The following TMTC2 variants were observed in gnomAD, a reference collection of about 807,000 sequenced individuals.
The protein encoded by TMTC2 is protein O-mannosyl-transferase TMTC2.
TMTC2 carries 43 observed loss-of-function variants against 82.4 expected under a neutral mutation model. The ratio of observed to expected loss-of-function variants is 0.52; its 90% CI spans 0.41 to 0.67. The LOEUF is 0.67. Ranked by LOEUF, TMTC2 falls within the 30% of genes least tolerant of loss-of-function variation. TMTC2 has a pLI of 0.00. For synonymous variants in TMTC2, 408 were observed against 381.9 expected, an observed-to-expected ratio of 1.07 and a Z score of -0.80; for missense variants, 919 against 1,012.4, an observed-to-expected ratio of 0.91 and a Z score of 1.25.
intron 1 of TMTC2, among the ~76,000 whole-genome samples, chr12:82,831,856 A>G (rs1869767141): frequency 6.6e-6 from 1 of 152,206 alleles, no homozygotes; most frequent in African/African-American, 2.4e-5. Context: ...AAGACTACAG[A>G]AAAATCACCA....
intron 8 of TMTC2, among the ~76,000 whole-genome samples, chr12:83,029,804 T>C (rs147857405): frequency 1.3e-5 from 2 of 152,346 alleles, no homozygotes; most frequent in African/African-American, 4.8e-5. Flanking sequence ...ATGTATACTT[T>C]TAGAATCTGT....
chr12:82,817,557 TTG>T (rs113751443), intron 1 of TMTC2, among the ~76,000 whole-genome samples: 5,871 of 151,892 alleles, frequency 0.039, 374 homozygotes, highest in African/African-American at 0.13. Flanking sequence ...AAGGATCACT[TTG>T]TGTGTGTGTG....
At chr12:82,752,147 C>T (rs1157315051) in intron 1 of TMTC2, among the ~76,000 whole-genome samples, 21 of 137,936 alleles carry the variant, frequency 1.5e-4, no homozygotes, top group Non-Finnish European at 2.9e-4. Flanking sequence ...TTGGAAGCTC[C>T]TTTTTTTTTT....
At chr12:82,827,966 C>T (rs1869519807) in intron 1 of TMTC2, among the ~76,000 whole-genome samples, 1 of 150,930 alleles carries the variant, frequency 6.6e-6, no homozygotes, top group Non-Finnish European at 1.5e-5. Flanking sequence ...GATCTCGGCT[C>T]ACTGCAACCT....
At chr12:82,941,013 G>A (rs1376480613) in intron 4 of TMTC2, among the ~76,000 whole-genome samples, 1 of 151,826 alleles carries the variant, frequency 6.6e-6, no homozygotes, top group Non-Finnish European at 1.5e-5. Flanking sequence ...CCATATAAAG[G>A]AACAAGGTAT....
intron 3 of TMTC2, among the ~76,000 whole-genome samples, chr12:82,921,100 C>T (rs1875365496): frequency 6.6e-6 from 1 of 151,408 alleles, no homozygotes; most frequent in African/African-American, 2.4e-5. Flanking sequence ...TTTTTTTCCC[C>T]CTAGCAGTTC....
At chr12:82,911,529 T>C (rs942067270) in intron 3 of TMTC2, among the ~76,000 whole-genome samples, 6 of 152,202 alleles carry the variant, frequency 3.9e-5, no homozygotes, top group African/African-American at 1.4e-4. Context: ...GAAATAATGA[T>C]CAAACATATT....
At chr12:83,084,758 A>G (rs1359345115) in intron 11 of TMTC2, among the ~76,000 whole-genome samples, 1 of 152,240 alleles carries the variant, frequency 6.6e-6, no homozygotes, top group Non-Finnish European at 1.5e-5. Flanking sequence ...ATTACTGGCA[A>G]GGCACCTACA....
chr12:82,987,316 C>G (rs187051233), intron 8 of TMTC2, among the ~76,000 whole-genome samples: 1 of 148,554 alleles, frequency 6.7e-6, no homozygotes, highest in Admixed American at 6.9e-5. Context: ...CCCAGCTACT[C>G]AGGTGGCTGA....
intron 1 of TMTC2, among the ~76,000 whole-genome samples, chr12:82,746,723 A>G (rs561149309): frequency 6.6e-4 from 101 of 152,324 alleles, no homozygotes; most frequent in African/African-American, 2.3e-3. Flanking sequence ...CAGATGGATA[A>G]GCAAACCATT....
At chr12:83,010,517 T>C (rs759426253) in intron 8 of TMTC2, among the ~76,000 whole-genome samples, 3 of 152,188 alleles carry the variant, frequency 2.0e-5, no homozygotes, top group Non-Finnish European at 4.4e-5. Flanking sequence ...CCCTGCTATA[T>C]AAACACCTGA....
chr12:83,127,099 A>G (rs1364479934), intron 11 of TMTC2, among the ~76,000 whole-genome samples: 1 of 152,134 alleles, frequency 6.6e-6, no homozygotes, highest in East Asian at 1.9e-4. Context: ...AGAATCCATC[A>G]AAAAGTTCAG....
chr12:82,899,437 T>C (rs1390521739), intron 3 of TMTC2, among the ~76,000 whole-genome samples: 1 of 151,400 alleles, frequency 6.6e-6, no homozygotes, highest in Non-Finnish European at 1.5e-5. Flanking sequence ...TAAAAATACA[T>C]CCAGAGCTTG....
At chr12:82,722,206 A>T (rs1874236581) in intron 1 of TMTC2, among the ~76,000 whole-genome samples, 1 of 152,138 alleles carries the variant, frequency 6.6e-6, no homozygotes, top group Admixed American at 6.5e-5. Flanking sequence ...ACACAGAAAC[A>T]TACTACTTCT....
At chr12:82,960,949 A>G (rs968676861) in intron 4 of TMTC2, among the ~76,000 whole-genome samples, 1 of 152,020 alleles carries the variant, frequency 6.6e-6, no homozygotes, top group Non-Finnish European at 1.5e-5. Flanking sequence ...AAAAGCCTTT[A>G]GTATGAATGA....
chr12:83,005,277 C>G (rs1246005130), intron 8 of TMTC2, among the ~76,000 whole-genome samples: 3 of 141,996 alleles, frequency 2.1e-5, no homozygotes, highest in Non-Finnish European at 4.5e-5. Flanking sequence ...TGCAATGAGC[C>G]GAGACTGCGC....
intron 1 of TMTC2, among the ~76,000 whole-genome samples, chr12:82,771,545 A>T (rs1194323889): frequency 6.6e-6 from 1 of 152,048 alleles, no homozygotes; most frequent in Non-Finnish European, 1.5e-5. Context: ...AAAGCTTTTG[A>T]TTTGGTACCC....
chr12:82,713,472 A>G (rs553949540), intron 1 of TMTC2, among the ~76,000 whole-genome samples: 12 of 152,370 alleles, frequency 7.9e-5, no homozygotes, highest in South Asian at 4.1e-4. Context: ...ATGGACTTAC[A>G]GTTCCATGTG....
At chr12:82,881,263 G>A (rs1378944993) in intron 2 of TMTC2, among the ~76,000 whole-genome samples, 1 of 152,164 alleles carries the variant, frequency 6.6e-6, no homozygotes, top group Non-Finnish European at 1.5e-5. Context: ...TTCAAATGGA[G>A]AATGAATACT....
Sources: gnomAD v4.1 joint callset for allele counts (sites outside exome capture counted in the v4.1 genomes callset) on GRCh38, gnomAD v4.1.1 for gene constraint, MANE v1.5 for transcripts, NCBI Gene and HGNC (gene_info 2026-07-23, HGNC 2026-07-21) for gene names.